The following CHST8 variants were observed in gnomAD, a reference collection of about 807,000 sequenced individuals.
CHST8 encodes GALNAC-4-ST1.
CHST8 carries 10 observed loss-of-function variants against 15.0 expected under a neutral mutation model. The ratio of observed to expected loss-of-function variants is 0.67; its 90% confidence interval spans 0.41 to 1.13. The LOEUF is 1.13. CHST8 is among the 50% of genes most tolerant of loss of function. The pLI, the probability that CHST8 is intolerant of heterozygous loss-of-function variation, is 0.00. For missense variants in CHST8, 634 were observed against 608.2 expected, an observed-to-expected ratio of 1.04 and a Z score of -0.45; for synonymous variants, 259 against 256.6, an observed-to-expected ratio of 1.01 and a Z score of -0.09.
intron 3 of CHST8, among the ~76,000 whole-genome samples, chr19:33,702,962 G>C (rs1169908320): frequency 6.6e-6 from 1 of 152,214 alleles, no homozygotes; most frequent in Non-Finnish European, 1.5e-5. Context: ...ATGCCACATG[G>C]CTGGACTTCT....
intron 2 of CHST8, among the ~76,000 whole-genome samples, chr19:33,684,043 C>T (rs551666937): frequency 6.6e-6 from 1 of 152,314 alleles, no homozygotes; most frequent in South Asian, 2.1e-4. Flanking sequence ...GTTGACGTGG[C>T]CTGTCAGTCT....
intron 3 of CHST8, among the ~76,000 whole-genome samples, chr19:33,728,779 G>T (rs544727930): frequency 6.6e-6 from 1 of 152,304 alleles, no homozygotes; most frequent in African/African-American, 2.4e-5. Context: ...CCACTTCTTC[G>T]AGCTCCCTGG....
intron 3 of CHST8, among the ~76,000 whole-genome samples, chr19:33,764,694 A>C (rs1974797853): frequency 6.6e-6 from 1 of 152,142 alleles, no homozygotes; most frequent in South Asian, 2.1e-4. Flanking sequence ...CCCTTTTTAA[A>C]AACATTTTAT....
intron 3 of CHST8, among the ~76,000 whole-genome samples, chr19:33,750,922 C>G (rs528690662): frequency 6.6e-6 from 1 of 150,642 alleles, no homozygotes; most frequent in African/African-American, 2.4e-5. Context: ...AGCCCTGCAA[C>G]CCTCCCAGCC....
chr19:33,757,510 GA>G (rs1974606709), intron 3 of CHST8, among the ~76,000 whole-genome samples: 1 of 48,974 alleles, frequency 2.0e-5, no homozygotes, highest in Non-Finnish European at 4.0e-5. Flanking sequence ...AAGAAAGAAA[GA>G]AAGAAAGAAA....
chr19:33,687,506 A>T (rs1422711417), intron 2 of CHST8, among the ~76,000 whole-genome samples: 1 of 152,192 alleles, frequency 6.6e-6, no homozygotes, highest in Admixed American at 6.5e-5. Context: ...CAGAGACAAA[A>T]CAGGCCCAGC....
chr19:33,717,148 G>A (rs1973679411), intron 3 of CHST8, among the ~76,000 whole-genome samples: 1 of 152,152 alleles, frequency 6.6e-6, no homozygotes, highest in Non-Finnish European at 1.5e-5. Flanking sequence ...CAAGTATAGG[G>A]ATTTATTACA....
chr19:33,748,298 G>A, intron 3 of CHST8, among the ~76,000 whole-genome samples: 1 of 152,244 alleles, frequency 6.6e-6, no homozygotes, highest in African/African-American at 2.4e-5. Flanking sequence ...AGAAGTGCAG[G>A]ACCTAATGGG....
intron 2 of CHST8, among the ~76,000 whole-genome samples, chr19:33,670,230 C>T (rs1483099382): frequency 6.6e-6 from 1 of 152,128 alleles, no homozygotes; most frequent in Non-Finnish European, 1.5e-5. Context: ...CATTGAGTGC[C>T]TTGCTGTTTT....
rs144965558 is a variant in CHST8, at chr19:33,712,737, G to C, written c.130+23346G>C. 3.0e-3 allele frequency among the ~76,000 whole-genome samples: 454 copies of C among 152,234 alleles called. 1 individual carries two copies. In the Middle Eastern group the frequency reaches 0.031, roughly 10 times the overall value. On this transcript the variant is annotated intron_variant, in intron 3 of 4. Transcript: ENST00000650847. ...AGGGTGGGAGCACTCCCTCTATCCT[G>C]AGTAGGGGCTGACCCAAGCCAAGTG...
At chr19:33,757,499 A>AG (rs1974603508) in intron 3 of CHST8, among the ~76,000 whole-genome samples, 1 of 50,142 alleles carries the variant, frequency 2.0e-5, no homozygotes, top group Non-Finnish European at 4.2e-5. Flanking sequence ...AGAAAGAAAG[A>AG]AAGAAAGAAA....
At chr19:33,752,452 T>A (rs1352044934) in intron 3 of CHST8, among the ~76,000 whole-genome samples, 1 of 152,220 alleles carries the variant, frequency 6.6e-6, no homozygotes, top group Non-Finnish European at 1.5e-5. Context: ...GAAGTATATA[T>A]TAACTGATTA....
At chr19:33,633,925 A>C (rs904474871) in intron 1 of CHST8, among the ~76,000 whole-genome samples, 1 of 151,558 alleles carries the variant, frequency 6.6e-6, no homozygotes, top group Non-Finnish European at 1.5e-5. Context: ...CAGCCTCCCA[A>C]GTAACTGGGA....
chr19:33,675,337 G>A (rs1972795210), intron 2 of CHST8, among the ~76,000 whole-genome samples: 1 of 152,202 alleles, frequency 6.6e-6, no homozygotes, highest in Non-Finnish European at 1.5e-5. Flanking sequence ...ACATAATGAG[G>A]ATGCCTGTAG....
chr19:33,679,499 C>T (rs1015265201), intron 2 of CHST8, among the ~76,000 whole-genome samples: 7 of 152,176 alleles, frequency 4.6e-5, no homozygotes, highest in Admixed American at 2.6e-4. Context: ...AGTGTGCACA[C>T]GCATGCGTGT....
Position 33,761,023 on chromosome 19 carries a change from G to C in CHST8, c.131-10390G>C, listed in dbSNP as rs113778356. ...TGGGGGCAGATGGCAGGATCATTCC[G>C]CGTGGTGTACTGCAAAGTGGAGGCC... On this transcript the variant is annotated intron_variant, in intron 3 of 4. Coordinates refer to ENST00000650847, the MANE Select transcript of CHST8 (RefSeq NM_001127895.2). Among the ~76,000 whole-genome samples the C allele has an allele frequency of 5.5e-3, 839 of 152,328 alleles. 4 individuals carry two copies. Among genetic ancestry groups the C allele is most frequent in the African/African-American group, 0.011 (443 of 41,576 alleles).
chr19:33,768,304 G>A (rs752499045), intron 3 of CHST8, among the ~76,000 whole-genome samples: 19 of 152,150 alleles, frequency 1.2e-4, no homozygotes, highest in Non-Finnish European at 2.5e-4. Flanking sequence ...GCCAGGTATG[G>A]TGGCTCGCAC....
Position 33,689,134 on chromosome 19 carries a change from G to T in CHST8, c.-86-42G>T, listed in dbSNP as rs1407488603. 11 of 1,153,286 alleles carry T rather than the reference G, an allele frequency of 9.5e-6. No individual in the cohort carries two copies. In the Admixed American group the frequency reaches 2.6e-4, roughly 27 times the overall value. 71.4% of individuals were successfully genotyped at this position (1,153,286 alleles called of 1,614,324 possible). A position where few individuals can be genotyped will look rare whatever the true frequency, so the allele number is the denominator to read the frequency against. On this transcript the variant is annotated intron_variant, in intron 2 of 4. Coordinates refer to ENST00000650847, the MANE Select transcript of CHST8 (RefSeq NM_001127895.2). ...GAGCAGGGCCTACACCTGCCCGGGT[G>T]CCTCGCGCCTCGGTGATGACTATCC...
At chr19:33,702,474 C>G (rs150908212) in intron 3 of CHST8, among the ~76,000 whole-genome samples, 148 of 152,358 alleles carry the variant, frequency 9.7e-4, no homozygotes, top group African/African-American at 3.3e-3. Context: ...GCTCCCCAAA[C>G]CGAAGCCCCA....
Sources: gnomAD v4.1 joint callset for allele counts (sites outside exome capture counted in the v4.1 genomes callset) on GRCh38, gnomAD v4.1.1 for gene constraint, MANE v1.5 for transcripts, NCBI Gene and HGNC (gene_info 2026-07-23, HGNC 2026-07-21) for gene names.